Variants in DSG4 observed in about 807,000 individuals in gnomAD.
DSG4 encodes desmoglein-4.
Under a neutral mutation model 93.1 loss-of-function variants are expected in DSG4, and 87 were observed. The ratio of observed to expected loss-of-function variants is 0.93; its 90% CI spans 0.79 to 1.12. DSG4 has a LOEUF of 1.12. DSG4 is among the 50% of genes most tolerant of loss of function. DSG4 has a pLI of 0.00. For synonymous variants in DSG4, 432 were observed against 452.9 expected (o/e 0.95, Z 0.59); for missense variants, 1,373 against 1,285.7 (o/e 1.07, Z -1.04).
At chr18:31,411,561 A>G (rs1298187850) in intron 15 of DSG4, 113 bp downstream of exon 15, 1 of 1,252,730 alleles carries the variant, frequency 8.0e-7, no homozygotes, top group Non-Finnish European at 1.1e-6. Context: ...TCTCAACCCT[A>G]TCCCAAACCT....
chr18:31,384,426 AG>A (rs1035098722), intron 1 of DSG4, among the ~76,000 whole-genome samples: 2 of 152,164 alleles, frequency 1.3e-5, no homozygotes, highest in Non-Finnish European at 2.9e-5. Context: ...CAAGTATGCT[AG>A]GCTGCTCAAT....
Position 31,400,973 on chromosome 18 carries a change from AAT to A in DSG4, c.1375_1376del (p.Ile459TyrfsTer14), listed in dbSNP as rs1200827287. On this transcript the variant is annotated frameshift_variant, in exon 10 of 16. Coordinates refer to ENST00000308128, the MANE Select transcript of DSG4 (RefSeq NM_177986.5). LOFTEE classifies it high-confidence loss of function. The stretch of plus-strand genomic sequence containing the variant: ...TCTAGAGAATTTGATAAGAAGTCAA[AAT>A]ATATTATCAATGGGATATACACAGC... The A allele has an allele frequency of 3.7e-6, 6 of 1,611,380 alleles. No individual in the cohort carries two copies. Among genetic ancestry groups the A allele is most frequent in the Non-Finnish European group, 5.1e-6 (6 of 1,178,274 alleles).
In DSG4 at chr18:31,411,462, A is replaced by G; in HGVS notation, c.2355+14A>G. 1 of 1,612,036 alleles carries G rather than the reference A, an allele frequency of 6.2e-7. No homozygotes were observed. The highest frequency in any genetic ancestry group is 1.1e-5 in the South Asian group (1 of 91,068). ...TACTTCTCGGAGGTAATGCCCTCAC[A>G]GTCACACATAAAATCGTCTTGAGAT... is the stretch of plus-strand genomic sequence containing the variant. On this transcript the variant is annotated intron_variant, in intron 15 of 15. Coordinates refer to ENST00000308128, the MANE Select transcript of DSG4 (RefSeq NM_177986.5).
intron 12 of DSG4, among the ~76,000 whole-genome samples, chr18:31,406,586 TG>T (rs1168794831): frequency 1.3e-5 from 2 of 151,972 alleles, no homozygotes; most frequent in African/African-American, 4.8e-5. Flanking sequence ...GTCCTAAAAA[TG>T]GGAAACACAT....
intron 7 of DSG4, among the ~76,000 whole-genome samples, chr18:31,391,792 C>G (rs1056055680): frequency 1.3e-5 from 2 of 152,036 alleles, no homozygotes; most frequent in African/African-American, 4.8e-5. Flanking sequence ...AACACCAATT[C>G]TCTGGCCCAC....
chr18:31,413,792 T>G lies in DSG4; in HGVS notation c.*197T>G. ...TTTAGATAAGCCTTTTTAAAATTCT[T>G]TCTGATTTTAAATAATGCGTCAAAA... is the stretch of plus-strand genomic sequence containing the variant. On this transcript the variant is annotated 3_prime_UTR_variant, in exon 16 of 16. Transcript: ENST00000308128. 1 of 688,642 alleles carries G rather than the reference T, an allele frequency of 1.5e-6. No individual in the cohort carries two copies. 42.7% of individuals were successfully genotyped at this position (688,642 alleles called of 1,614,324 possible).
Position 31,403,730 on chromosome 18 carries a change from C to T in DSG4, c.1636+96C>T, listed in dbSNP as rs1488173259. The T allele has an allele frequency of 1.7e-5, 18 of 1,082,532 alleles. No homozygotes were observed. In the East Asian group the frequency reaches 4.5e-4, roughly 27 times the overall value. The allele number at this position is 1,082,532 out of a possible 1,614,324, so 67.1% of individuals were successfully genotyped here. ...AGTCACTTAATAAAACATTCTACTTCTGTTTCCACAGTTCTTGCCATATTA... is the reference window on the plus strand; with the variant it reads ...AGTCACTTAATAAAACATTCTACTTTTGTTTCCACAGTTCTTGCCATATTA... On this transcript the variant is annotated intron_variant, in intron 11 of 15. Transcript: ENST00000308128.
rs746951483 is a variant in DSG4 at position 31,388,464 on chromosome 18, G to A, written c.314G>A (p.Arg105His). ...PPYGVFTINPRTGEINITSVV... is the reference protein window; with the variant it reads ...PPYGVFTINPHTGEINITSVV... ...TATGGGGTATTCACCATTAATCCTC[G>A]CACTGGGGAAATTAACATCACTTCA... The change falls in exon 4 of 16, where the codon CGC becomes CAC. Residue 105 changes from arginine (R) to histidine (H), a missense_variant. Physicochemically the swap from Arg to His is conservative, Grantham distance 29 (BLOSUM62 0). Coordinates refer to ENST00000308128, the MANE Select transcript of DSG4 (RefSeq NM_177986.5). 2.5e-6 allele frequency: 4 copies of A among 1,613,500 alleles called. No homozygotes were observed. The highest frequency in any genetic ancestry group is 4.5e-5 in the East Asian group (2 of 44,848).
rs1222883791 is a variant in DSG4, at chr18:31,409,464, T to C, written c.1946T>C (p.Leu649Ser). The C allele has an allele frequency of 6.2e-6, 10 of 1,614,082 alleles. No homozygotes were observed. In the Admixed American group the frequency reaches 1.0e-4, roughly 16 times the overall value. Residue 649 changes from leucine (L) to serine (S), a missense_variant, in exon 13 of 16, where the codon TTG (leucine) becomes TCG (serine). Physicochemically the swap from Leu to Ser is moderately radical, Grantham distance 145 (BLOSUM62 -2). Transcript: ENST00000308128. ...GILLLILAPL[L>S]LLLCCCKQRQ... ...CTTTCTTGGGCAGTGGCTCCACTCT[T>C]GCTGCTCCTGTGTTGCTGCAAACAG...
chr18:31,409,701 T>A (rs376929441), intron 13 of DSG4, 44 bp from the exon 14 acceptor site: 8 of 1,613,938 alleles, frequency 5.0e-6, no homozygotes, highest in Middle Eastern at 1.6e-4. Flanking sequence ...TTTAAATGTT[T>A]AACATAAAGC....
intron 3 of DSG4, among the ~76,000 whole-genome samples, chr18:31,387,888 A>G (rs2072204883): frequency 6.6e-6 from 1 of 152,174 alleles, no homozygotes. Flanking sequence ...CAGTATGTTT[A>G]CATTTATAAA....
chr18:31,391,317 G>A, intron 7 of DSG4, 105 bp downstream of exon 7: 1 of 1,470,862 alleles, frequency 6.8e-7, no homozygotes, highest in Non-Finnish European at 9.4e-7. Context: ...TCTGTCCTAT[G>A]TGTGGACATA....
At chr18:31,404,653 A>G (rs192057178) in intron 11 of DSG4, among the ~76,000 whole-genome samples, 24 of 152,364 alleles carry the variant, frequency 1.6e-4, no homozygotes, top group Non-Finnish European at 3.4e-4. Flanking sequence ...AATACCACCA[A>G]TAAAGTAAGA....
intron 3 of DSG4, 88 bp downstream of exon 3, chr18:31,386,907 C>T (rs1159427423): frequency 3.2e-6 from 5 of 1,581,396 alleles, no homozygotes; most frequent in Non-Finnish European, 4.3e-6. Context: ...TTCACTGCTC[C>T]ACAGTTATTT....
chr18:31,390,303 C>T (rs1384556571), intron 5 of DSG4, among the ~76,000 whole-genome samples: 1 of 152,012 alleles, frequency 6.6e-6, no homozygotes, highest in African/African-American at 2.4e-5. Flanking sequence ...TAAATGATTT[C>T]ACAAGACCAT....
chr18:31,392,039 G>A (rs1256056996), intron 7 of DSG4, 116 bp from the exon 8 acceptor site: 1 of 939,478 alleles, frequency 1.1e-6, no homozygotes, highest in Non-Finnish European at 1.6e-6. Context: ...ATTTAATAAT[G>A]GTGCAAAAAT....
chr18:31,378,772 T>C (rs1056452500), intron 1 of DSG4, among the ~76,000 whole-genome samples: 2 of 152,326 alleles, frequency 1.3e-5, no homozygotes, highest in African/African-American at 4.8e-5. Flanking sequence ...TAGAGACTTC[T>C]GGCATATTTC....
Position 31,392,298 on chromosome 18 carries a change from A to G in DSG4, c.963A>G (p.Gln321=). ...SGNDGNWFDI[Q]TDPQTNEGIL... ...ATGATGGGAATTGGTTCGATATTCAAACAGATCCACAAACCAATGAAGGCA... is the reference window on the plus strand; with the variant it reads ...ATGATGGGAATTGGTTCGATATTCAGACAGATCCACAAACCAATGAAGGCA... Residue 321 remains glutamine (Q), a synonymous_variant, in exon 8 of 16, where the codon CAA becomes CAG. Coordinates refer to ENST00000308128, the MANE Select transcript of DSG4 (RefSeq NM_177986.5). 1.2e-6 allele frequency: 2 copies of G among 1,613,772 alleles called. No homozygotes were observed. Among genetic ancestry groups the G allele is most frequent in the Non-Finnish European group, 1.7e-6 (2 of 1,179,828 alleles).
At chr18:31,411,524 T>C (rs2072493155) in intron 15 of DSG4, 76 bp downstream of exon 15, 1 of 1,520,890 alleles carries the variant, frequency 6.6e-7, no homozygotes, top group Non-Finnish European at 9.0e-7. Flanking sequence ...ACAATGGTAG[T>C]AGGCCTCTTC....
Sources: gnomAD v4.1 joint callset for allele counts (sites outside exome capture counted in the v4.1 genomes callset) on GRCh38, gnomAD v4.1.1 for gene constraint, MANE v1.5 for transcripts, NCBI Gene and HGNC (gene_info 2026-07-23, HGNC 2026-07-21) for gene names.